IMMT: variants seen among roughly 807,000 people sequenced by gnomAD.
IMMT encodes MICOS complex subunit MIC60.
IMMT carries 40 observed loss-of-function variants against 92.7 expected under a neutral mutation model. The observed-to-expected ratio is 0.43, with a 90% CI of 0.34 to 0.56. The LOEUF (loss-of-function observed/expected upper bound fraction) is 0.56, where lower values mean the gene tolerates loss of function less well. Ranked by LOEUF, IMMT falls within the 20% of genes least tolerant of loss-of-function variation. IMMT has a pLI of 0.03. For missense variants in IMMT, 831 were observed against 912.1 expected (o/e 0.91, Z 1.14); for synonymous variants, 322 against 336.1 (o/e 0.96, Z 0.46).
chr2:86,170,162 C>A (rs986646229), intron 6 of IMMT, among the ~76,000 whole-genome samples: 1 of 152,170 alleles, frequency 6.6e-6, no homozygotes, highest in Admixed American at 6.5e-5. Flanking sequence ...GGCCTGTAAT[C>A]CCAGCACTTT....
At chr2:86,152,248 T>C (rs1301064643) in intron 11 of IMMT, among the ~76,000 whole-genome samples, 3 of 151,840 alleles carry the variant, frequency 2.0e-5, no homozygotes, top group Non-Finnish European at 4.4e-5. Context: ...CGAGACCAGC[T>C]TGGCCAACCT....
chr2:86,175,490 T>C (rs1439158451), intron 3 of IMMT, among the ~76,000 whole-genome samples: 1 of 152,138 alleles, frequency 6.6e-6, no homozygotes, highest in African/African-American at 2.4e-5. Context: ...GACATACATA[T>C]ATATTTGAGA....
chr2:86,188,163 C>T (rs2105601438), intron 1 of IMMT, among the ~76,000 whole-genome samples: 1 of 152,064 alleles, frequency 6.6e-6, no homozygotes, highest in South Asian at 2.1e-4. Context: ...CCTCAGCCTC[C>T]CAAGTAGCTG....
intron 11 of IMMT, among the ~76,000 whole-genome samples, chr2:86,153,011 G>A (rs1308270270): frequency 2.0e-5 from 3 of 152,152 alleles, no homozygotes; most frequent in Non-Finnish European, 4.4e-5. Context: ...TGAAATAATA[G>A]GGGATATTTT....
At chr2:86,150,185 T>G (rs1675363588) in intron 12 of IMMT, among the ~76,000 whole-genome samples, 1 of 152,176 alleles carries the variant, frequency 6.6e-6, no homozygotes, top group African/African-American at 2.4e-5. Context: ...AAATGACTAC[T>G]GAAAATCAAG....
rs11412841 is a variant in IMMT, at chr2:86,193,407, C to CAAA, written c.45+1928_45+1930dup. Among the ~76,000 whole-genome samples the CAAA allele has an allele frequency of 1.2e-3, 165 of 137,798 alleles. 1 individual carries two copies. The highest frequency in any genetic ancestry group is 4.2e-3 in the South Asian group (18 of 4,292). The allele number at this position is 137,798 out of a possible 152,430, so 90.4% of individuals were successfully genotyped here. Reference sequence around the variant, plus strand: ...GGGTGACAAAGTGAGACTCCGTATCCAAAAAAAAAAAAAGAAAGATGGGGT... The same window carrying CAAA: ...GGGTGACAAAGTGAGACTCCGTATCCAAAAAAAAAAAAAAAAGAAAGATGGGGT... On this transcript the variant is annotated intron_variant, in intron 1 of 14. Transcript: ENST00000410111.
chr2:86,195,400 C>T lies in IMMT; in HGVS notation c.-18G>A, dbSNP rs1419773855. Reference sequence around the variant, plus strand: ...CGCAGCATCTCGGTCAAGCGGACGGCGCTGCTGGTGGACTCGAGCTGCCGC... The same window carrying T: ...CGCAGCATCTCGGTCAAGCGGACGGTGCTGCTGGTGGACTCGAGCTGCCGC... On this transcript the variant is annotated 5_prime_UTR_variant, in exon 1 of 15. Transcript: ENST00000410111. The T allele has an allele frequency of 1.9e-6, 3 of 1,546,706 alleles. No individual in the cohort carries two copies. The African/African-American group carries it at 4.1e-5, about 21-fold the overall frequency.
At chr2:86,148,671 A>G (rs1443383957) in intron 12 of IMMT, among the ~76,000 whole-genome samples, 1 of 152,198 alleles carries the variant, frequency 6.6e-6, no homozygotes, top group African/African-American at 2.4e-5. Flanking sequence ...TAGACTTGAC[A>G]TAGACTTCTA....
intron 12 of IMMT, among the ~76,000 whole-genome samples, chr2:86,149,922 A>C (rs1410793670): frequency 1.3e-5 from 2 of 151,448 alleles, no homozygotes; most frequent in African/African-American, 4.9e-5. Context: ...AAAATAGTGG[A>C]AGCTGTTAAG....
intron 7 of IMMT, among the ~76,000 whole-genome samples, chr2:86,162,510 C>T (rs772414072): frequency 3.2e-4 from 48 of 151,860 alleles, no homozygotes; most frequent in Non-Finnish European, 5.3e-4. Flanking sequence ...CAAAAACCTC[C>T]CTTGAGGTGA....
intron 14 of IMMT, 110 bp from the exon 15 acceptor site, chr2:86,144,991 G>A: frequency 1.5e-6 from 2 of 1,299,246 alleles, no homozygotes; most frequent in Non-Finnish European, 2.1e-6. Context: ...GCAAGATGAG[G>A]CCAGAGAGAC....
At chr2:86,182,464 T>G (rs991797227) in intron 1 of IMMT, among the ~76,000 whole-genome samples, 20 of 152,348 alleles carry the variant, frequency 1.3e-4, no homozygotes, top group African/African-American at 4.3e-4. Flanking sequence ...ACTAATGCAG[T>G]CATACATTTT....
At chr2:86,178,317 C>CAAAAAAAAAAAAAAAAA (rs58264892) in intron 3 of IMMT, among the ~76,000 whole-genome samples, 1 of 89,742 alleles carries the variant, frequency 1.1e-5, no homozygotes, top group Non-Finnish European at 2.0e-5. Flanking sequence ...GACTCCATCT[C>CAAAAAAAAAAAAAAAAA]AAAAAAAAAA....
intron 1 of IMMT, among the ~76,000 whole-genome samples, chr2:86,183,701 T>C (rs894451754): frequency 2.6e-5 from 4 of 152,176 alleles, no homozygotes; most frequent in Non-Finnish European, 4.4e-5. Context: ...CCAGAGACAT[T>C]TTATGTATAT....
rs184517399 is a variant in IMMT at position 86,154,382 on chromosome 2, G to C, written c.1163-808C>G. On this transcript the variant is annotated intron_variant, in intron 10 of 14. Transcript: ENST00000410111. The stretch of plus-strand genomic sequence containing the variant: ...GACGGGGTTTCACTATGTTGGCCAG[G>C]CTGGTCTCAAACTCCTGACCTCAAA... Among the ~76,000 whole-genome samples, 7 of 151,922 alleles carry C rather than the reference G, an allele frequency of 4.6e-5. No individual in the cohort carries two copies. In the East Asian group the frequency reaches 1.4e-3, roughly 29 times the overall value.
At chr2:86,164,403 T>A (rs1264593341) in intron 7 of IMMT, among the ~76,000 whole-genome samples, 3 of 151,828 alleles carry the variant, frequency 2.0e-5, no homozygotes, top group Non-Finnish European at 4.4e-5. Context: ...TGTATACTGA[T>A]TTGGGGCCAG....
At chr2:86,182,329 A>G (rs1337499064) in intron 1 of IMMT, among the ~76,000 whole-genome samples, 1 of 152,230 alleles carries the variant, frequency 6.6e-6, no homozygotes, top group African/African-American at 2.4e-5. Context: ...ATATCAGAAT[A>G]ACACAAACTT....
intron 1 of IMMT, among the ~76,000 whole-genome samples, chr2:86,188,856 T>C (rs1672956537): frequency 1.3e-5 from 2 of 152,180 alleles, no homozygotes; most frequent in South Asian, 2.1e-4. Flanking sequence ...TAGAATACTT[T>C]CATCCTTTTC....
chr2:86,167,502 G>A (rs1443411676), intron 6 of IMMT, among the ~76,000 whole-genome samples: 1 of 57,772 alleles, frequency 1.7e-5, no homozygotes, highest in Non-Finnish European at 3.2e-5. Flanking sequence ...TTTTTTTTTT[G>A]GAGACGGAGT....
Sources: allele counts gnomAD v4.1 joint callset (sites outside exome capture counted in the v4.1 genomes callset), GRCh38; gene constraint gnomAD v4.1.1; transcripts MANE v1.5; gene names NCBI Gene and HGNC (gene_info 2026-07-23, HGNC 2026-07-21).